SLC44A5: variants seen among roughly 807,000 people sequenced by gnomAD.
The protein encoded by SLC44A5 is solute carrier family 44 member 5, also known as choline transporter-like protein 5.
In SLC44A5, 57 loss-of-function variants were observed where a neutral mutation model predicts 101.8. The observed-to-expected ratio is 0.56, with a 90% CI of 0.45 to 0.70. SLC44A5 has a LOEUF of 0.70. Ranked by LOEUF, SLC44A5 falls within the 30% of genes least tolerant of loss-of-function variation. The probability of loss-of-function intolerance (pLI) is 0.00; values close to 1 mark genes in which losing one functional copy is unlikely to be tolerated. For missense variants in SLC44A5, 737 were observed against 853.1 expected (o/e 0.86, Z 1.70); for synonymous variants, 281 against 290.9 (o/e 0.97, Z 0.35).
chr1:75,441,502 AAAAC>A (rs1303791388), intron 2 of SLC44A5, among the ~76,000 whole-genome samples: 1 of 152,068 alleles, frequency 6.6e-6, no homozygotes, highest in African/African-American at 2.4e-5. Context: ...AAGGAAAAAA[AAAAC>A]AAATAGAGAG....
chr1:75,368,528 G>A (rs527627778), intron 3 of SLC44A5, among the ~76,000 whole-genome samples: 1 of 152,232 alleles, frequency 6.6e-6, no homozygotes, highest in South Asian at 2.1e-4. Context: ...TTTGACTTAG[G>A]TGGCATTAAC....
At chr1:75,221,822 C>T (rs890896198) in intron 14 of SLC44A5, among the ~76,000 whole-genome samples, 2 of 152,114 alleles carry the variant, frequency 1.3e-5, no homozygotes, top group Non-Finnish European at 2.9e-5. Flanking sequence ...AGGTTTTACC[C>T]TTATTCTACC....
At chr1:75,457,190 T>C (rs188033543) in intron 2 of SLC44A5, among the ~76,000 whole-genome samples, 19 of 152,268 alleles carry the variant, frequency 1.2e-4, no homozygotes, top group Admixed American at 8.5e-4. Context: ...AATGCAGTAA[T>C]AAAAATGTTT....
intron 3 of SLC44A5, among the ~76,000 whole-genome samples, chr1:75,373,367 A>G (rs1281310328): frequency 6.6e-6 from 1 of 152,046 alleles, no homozygotes; most frequent in Admixed American, 6.6e-5. Context: ...AAGGAACTCC[A>G]AGGCACCACA....
chr1:75,322,392 CT>C (rs759281453), intron 4 of SLC44A5, among the ~76,000 whole-genome samples: 66 of 146,880 alleles, frequency 4.5e-4, no homozygotes, highest in African/African-American at 1.7e-3. Flanking sequence ...TTTGCTCCCT[CT>C]TTTTAAAAAA....
rs551540767 is a variant in SLC44A5, at chr1:75,313,575, G to A, written c.102-12890C>T. On this transcript the variant is annotated intron_variant, in intron 4 of 23. Transcript: ENST00000370859. ...GAGCTGGCCTTGACTGCTCCTGGAT[G>A]TGGACTGTCCATTATGAACAATACA... Among the ~76,000 whole-genome samples the A allele has an allele frequency of 3.9e-5, 6 of 152,316 alleles. No individual in the cohort carries two copies. The East Asian group carries it at 1.2e-3, about 29-fold the overall frequency.
intron 4 of SLC44A5, among the ~76,000 whole-genome samples, chr1:75,303,460 T>C (rs953663790): frequency 6.6e-6 from 1 of 152,188 alleles, no homozygotes; most frequent in Non-Finnish European, 1.5e-5. Context: ...GGTTTCGAAC[T>C]CCTGACCTCG....
chr1:75,571,678 G>C (rs1015910954), intron 1 of SLC44A5, among the ~76,000 whole-genome samples: 2 of 152,190 alleles, frequency 1.3e-5, no homozygotes, highest in East Asian at 1.9e-4. Flanking sequence ...GCCAAACTAT[G>C]ATGTTTGGTA....
At chr1:75,356,231 A>AAG (rs1418917062) in intron 3 of SLC44A5, among the ~76,000 whole-genome samples, 7 of 149,612 alleles carry the variant, frequency 4.7e-5, no homozygotes, top group Non-Finnish European at 7.4e-5. Context: ...AAAAAAAAAA[A>AAG]AGAGATATTC....
intron 2 of SLC44A5, among the ~76,000 whole-genome samples, chr1:75,484,848 G>T (rs1557836617): frequency 6.6e-6 from 1 of 152,216 alleles, no homozygotes; most frequent in Non-Finnish European, 1.5e-5. Flanking sequence ...GCACAGGTTT[G>T]GGGCTTGCAC....
chr1:75,291,438 A>T (rs1046075281), intron 5 of SLC44A5, among the ~76,000 whole-genome samples: 9 of 152,182 alleles, frequency 5.9e-5, no homozygotes, highest in Non-Finnish European at 1.0e-4. Flanking sequence ...TGTTGGGAGA[A>T]ATAGATTTTA....
intron 5 of SLC44A5, among the ~76,000 whole-genome samples, chr1:75,281,784 T>C (rs1278718610): frequency 6.6e-6 from 1 of 152,008 alleles, no homozygotes; most frequent in Non-Finnish European, 1.5e-5. Flanking sequence ...CCATATGGTG[T>C]TGGTCCTGTG....
chr1:75,214,822 G>C, intron 19 of SLC44A5, 144 bp from the exon 20 acceptor site: 5 of 617,258 alleles, frequency 8.1e-6, no homozygotes, highest in Admixed American at 2.9e-5. Context: ...TGTATTTGTG[G>C]GACACACTGT....
intron 3 of SLC44A5, among the ~76,000 whole-genome samples, chr1:75,369,179 A>T (rs1019254970): frequency 5.5e-5 from 8 of 146,782 alleles, no homozygotes; most frequent in East Asian, 2.0e-4. Flanking sequence ...ACACTTGGCT[A>T]TTTTTTTTTT....
At chr1:75,636,143 T>G in the SLC44A5 span, among the ~76,000 whole-genome samples, 3 of 152,130 alleles carry the variant, frequency 2.0e-5, no homozygotes, top group East Asian at 3.9e-4. Flanking sequence ...TTTTTTAGCT[T>G]CCACGTATGA....
At chr1:75,340,899 A>G (rs1005588062) in intron 3 of SLC44A5, among the ~76,000 whole-genome samples, 1 of 152,260 alleles carries the variant, frequency 6.6e-6, no homozygotes, top group Admixed American at 6.5e-5. Context: ...AGAAACAGAG[A>G]CAATGGTCCT....
the SLC44A5 span, among the ~76,000 whole-genome samples, chr1:75,617,851 CAT>C: frequency 2.6e-5 from 4 of 152,126 alleles, no homozygotes; most frequent in Non-Finnish European, 4.4e-5. Context: ...TTTATGTGCT[CAT>C]ATTTTATCAC....
intron 3 of SLC44A5, among the ~76,000 whole-genome samples, chr1:75,371,743 C>T (rs1660239666): frequency 6.6e-6 from 1 of 152,132 alleles, no homozygotes; most frequent in Non-Finnish European, 1.5e-5. Flanking sequence ...TGAAGGCCCA[C>T]CTATTTAAAA....
At chr1:75,270,368 G>C (rs1307073602) in intron 6 of SLC44A5, among the ~76,000 whole-genome samples, 2 of 151,976 alleles carry the variant, frequency 1.3e-5, no homozygotes, top group African/African-American at 2.4e-5. Flanking sequence ...CAGGTTACAG[G>C]ATTCAGAAAC....
Sources: gnomAD v4.1 joint callset for allele counts (sites outside exome capture counted in the v4.1 genomes callset) on GRCh38, gnomAD v4.1.1 for gene constraint, MANE v1.5 for transcripts, NCBI Gene and HGNC (gene_info 2026-07-23, HGNC 2026-07-21) for gene names.